Variants in PRR16 observed in about 807,000 individuals in gnomAD.
PRR16 encodes the protein proline rich 16.
Under a neutral mutation model 18.2 loss-of-function variants are expected in PRR16, and 6 were observed. The ratio of observed to expected loss-of-function variants is 0.33; its 90% CI spans 0.18 to 0.65. PRR16 has a LOEUF of 0.65. Ranked by LOEUF, PRR16 falls within the 30% of genes least tolerant of loss-of-function variation. The pLI is 0.74. For missense variants in PRR16, 412 were observed against 376.6 expected (o/e 1.09, Z -0.78); for synonymous variants, 151 against 147.8 (o/e 1.02, Z -0.16).
intron 1 of PRR16, among the ~76,000 whole-genome samples, chr5:120,478,556 C>G (rs1159506274): frequency 6.6e-6 from 1 of 152,234 alleles, no homozygotes; most frequent in South Asian, 2.1e-4. Context: ...CACCTCCCAA[C>G]CAGTGGCTCC....
intron 1 of PRR16, among the ~76,000 whole-genome samples, chr5:120,609,647 T>C (rs1316708801): frequency 6.6e-6 from 1 of 152,218 alleles, no homozygotes; most frequent in Non-Finnish European, 1.5e-5. Context: ...TACACATTTT[T>C]AAAACATGTT....
intron 1 of PRR16, among the ~76,000 whole-genome samples, chr5:120,548,887 A>G (rs760916727): frequency 9.2e-5 from 14 of 151,934 alleles, no homozygotes; most frequent in Non-Finnish European, 1.5e-4. Flanking sequence ...CTGAGTTTAA[A>G]CGCACTGATA....
At chr5:120,645,823 C>T (rs955400422) in intron 1 of PRR16, among the ~76,000 whole-genome samples, 30 of 121,670 alleles carry the variant, frequency 2.5e-4, no homozygotes, top group African/African-American at 7.1e-4. Context: ...CATTACATCT[C>T]GAATAACAAT....
At chr5:120,786,159 A>G in the PRR16 span, among the ~76,000 whole-genome samples, 1 of 151,488 alleles carries the variant, frequency 6.6e-6, no homozygotes, top group African/African-American at 2.4e-5. Context: ...ATGAGTCACA[A>G]AATCTTGTCT....
chr5:120,481,349 T>A (rs1749607099), intron 1 of PRR16: 1 of 377,348 alleles, frequency 2.7e-6, no homozygotes, highest in East Asian at 9.0e-5. Context: ...CAGTCTGGTC[T>A]TGAACTCTTG....
chr5:120,490,668 T>C (rs1330955108), intron 1 of PRR16, among the ~76,000 whole-genome samples: 1 of 152,246 alleles, frequency 6.6e-6, no homozygotes, highest in Non-Finnish European at 1.5e-5. Flanking sequence ...AGTCATTCTC[T>C]GTGCAGCTTT....
At chr5:120,576,849 G>T (rs191242457) in intron 1 of PRR16, among the ~76,000 whole-genome samples, 1 of 151,928 alleles carries the variant, frequency 6.6e-6, no homozygotes. Context: ...GCCACCTGCA[G>T]GTCTTGAGAG....
intron 1 of PRR16, among the ~76,000 whole-genome samples, chr5:120,645,339 C>A (rs2150127522): frequency 6.6e-6 from 1 of 150,426 alleles, no homozygotes; most frequent in Non-Finnish European, 1.5e-5. Context: ...CACATGCATA[C>A]ACACACACAC....
the PRR16 span, among the ~76,000 whole-genome samples, chr5:120,715,787 T>C: frequency 2.0e-5 from 3 of 152,218 alleles, no homozygotes; most frequent in Non-Finnish European, 2.9e-5. Flanking sequence ...GCTGTTCTCC[T>C]TCCCAACATC....
chr5:120,631,847 C>G (rs1246669963), intron 1 of PRR16, among the ~76,000 whole-genome samples: 1 of 152,142 alleles, frequency 6.6e-6, no homozygotes, highest in African/African-American at 2.4e-5. Flanking sequence ...CCAGTTGTCC[C>G]TAGGGCAAGT....
chr5:120,676,458 T>C (rs1756800133), intron 1 of PRR16, among the ~76,000 whole-genome samples: 1 of 151,898 alleles, frequency 6.6e-6, no homozygotes, highest in Admixed American at 6.6e-5. Flanking sequence ...AGACCTTGGG[T>C]CTCTAACAAC....
At chr5:120,697,697 A>C in the PRR16 span, among the ~76,000 whole-genome samples, 2 of 151,854 alleles carry the variant, frequency 1.3e-5, no homozygotes, top group African/African-American at 4.8e-5. Flanking sequence ...GGGTAGGTAA[A>C]GGAAAATTAC....
chr5:120,537,283 G>A (rs779037737), intron 1 of PRR16, among the ~76,000 whole-genome samples: 7 of 152,092 alleles, frequency 4.6e-5, no homozygotes, highest in African/African-American at 7.2e-5. Context: ...AAGTATATTC[G>A]TTTTACTAAA....
chr5:120,509,288 C>T (rs935163736), intron 1 of PRR16, among the ~76,000 whole-genome samples: 1 of 152,060 alleles, frequency 6.6e-6, no homozygotes, highest in Non-Finnish European at 1.5e-5. Context: ...TCCTTGGTTT[C>T]TGTTGAGGTC....
intron 1 of PRR16, among the ~76,000 whole-genome samples, chr5:120,538,924 T>A (rs1189934735): frequency 2.6e-5 from 4 of 152,108 alleles, no homozygotes; most frequent in African/African-American, 7.2e-5. Flanking sequence ...GTTTGTTCCC[T>A]GGAGGAAGAC....
intron 1 of PRR16, among the ~76,000 whole-genome samples, chr5:120,664,097 G>A (rs904111547): frequency 6.6e-6 from 1 of 151,968 alleles, no homozygotes; most frequent in Non-Finnish European, 1.5e-5. Flanking sequence ...TCATGAGTTC[G>A]AGACCAGCCT....
intron 1 of PRR16, among the ~76,000 whole-genome samples, chr5:120,634,365 C>T (rs560223378): frequency 2.0e-5 from 3 of 152,034 alleles, no homozygotes; most frequent in Non-Finnish European, 4.4e-5. Context: ...GAAAGAGGGC[C>T]GGGCATGGTG....
Position 120,526,846 on chromosome 5 carries a change from C to T in PRR16, c.159+62201C>T, listed in dbSNP as rs541957305. On this transcript the variant is annotated intron_variant, in intron 1 of 1. Transcript: ENST00000407149. ...TCTCCTGACCTGCCTGGCTCGGCCT[C>T]CCAAAGTGCTGGGGTTACAGGTATG... 7.2e-5 allele frequency among the ~76,000 whole-genome samples: 11 copies of T among 152,244 alleles called. No homozygotes were observed. The East Asian group carries it at 1.7e-3, about 24-fold the overall frequency.
chr5:120,732,289 C>T, the PRR16 span, among the ~76,000 whole-genome samples: 74 of 152,260 alleles, frequency 4.9e-4, no homozygotes, highest in African/African-American at 1.6e-3. Context: ...AGTATGTTCA[C>T]GCTTAACGTG....
Sources: gnomAD v4.1 joint callset for allele counts (sites outside exome capture counted in the v4.1 genomes callset) on GRCh38, gnomAD v4.1.1 for gene constraint, MANE v1.5 for transcripts, NCBI Gene and HGNC (gene_info 2026-07-23, HGNC 2026-07-21) for gene names.